Variants in ALK observed in about 807,000 individuals in gnomAD.
The protein encoded by ALK is ALK tyrosine kinase receptor.
ALK carries 74 observed loss-of-function variants against 163.1 expected under a neutral mutation model. That is an observed-to-expected ratio of 0.45 (90% CI 0.38 to 0.55). ALK has a LOEUF of 0.55. Ranked by LOEUF, ALK falls within the 20% of genes least tolerant of loss-of-function variation. The pLI is 0.00. For synonymous variants in ALK, 960 were observed against 843.2 expected, an observed-to-expected ratio of 1.14 and a Z score of -2.40; for missense variants, 2,063 against 2,105.3, an observed-to-expected ratio of 0.98 and a Z score of 0.39.
At chr2:29,837,436 G>T (rs987089186) in intron 1 of ALK, among the ~76,000 whole-genome samples, 1 of 152,180 alleles carries the variant, frequency 6.6e-6, no homozygotes, top group Non-Finnish European at 1.5e-5. Flanking sequence ...TGCTGCACAT[G>T]TGCAGTATAA....
intron 3 of ALK, among the ~76,000 whole-genome samples, chr2:29,566,665 T>C (rs753897583): frequency 2.6e-5 from 4 of 152,186 alleles, no homozygotes; most frequent in Non-Finnish European, 2.9e-5. Flanking sequence ...GAAATGATTA[T>C]GGAAGTGAAT....
chr2:29,418,857 T>C (rs527374752), intron 4 of ALK, among the ~76,000 whole-genome samples: 62 of 147,280 alleles, frequency 4.2e-4, no homozygotes, highest in Non-Finnish European at 6.8e-4. Flanking sequence ...CCAGAATTAA[T>C]ACATTAATTT....
intron 4 of ALK, among the ~76,000 whole-genome samples, chr2:29,507,429 G>A (rs1157234351): frequency 6.6e-6 from 1 of 152,194 alleles, no homozygotes; most frequent in Admixed American, 6.5e-5. Flanking sequence ...TTGGGATGAT[G>A]AAAAGGTTCT....
chr2:29,470,685 ATT>A (rs11325298), intron 4 of ALK, among the ~76,000 whole-genome samples: 75,158 of 148,758 alleles, frequency 0.51, 19,753 homozygotes, highest in South Asian at 0.61. Flanking sequence ...AAACAGCTGA[ATT>A]TTTTTTTTTT....
At chr2:29,504,998 T>C (rs970903538) in intron 4 of ALK, among the ~76,000 whole-genome samples, 2 of 151,712 alleles carry the variant, frequency 1.3e-5, no homozygotes, top group Non-Finnish European at 2.9e-5. Context: ...GGGCTGGAGG[T>C]GGGGCAGAGA....
At chr2:29,757,379 C>T (rs1041283024) in intron 1 of ALK, among the ~76,000 whole-genome samples, 2 of 152,310 alleles carry the variant, frequency 1.3e-5, no homozygotes, top group East Asian at 1.9e-4. Flanking sequence ...GTTAACCACT[C>T]ACCCAGTTAT....
At chr2:29,371,216 A>T (rs973751102) in intron 5 of ALK, among the ~76,000 whole-genome samples, 1 of 152,252 alleles carries the variant, frequency 6.6e-6, no homozygotes, top group Non-Finnish European at 1.5e-5. Context: ...AGGGCAAAAT[A>T]AAGTTCCACA....
chr2:29,846,280 G>A (rs530005921), intron 1 of ALK, among the ~76,000 whole-genome samples: 24 of 152,242 alleles, frequency 1.6e-4, no homozygotes, highest in East Asian at 5.8e-4. Flanking sequence ...GCCAGTTCAC[G>A]CTGACTGGCT....
intron 5 of ALK, among the ~76,000 whole-genome samples, chr2:29,360,974 TAGATGCAGAGATGCAG>T (rs202168209): frequency 6.6e-6 from 1 of 152,110 alleles, no homozygotes; most frequent in South Asian, 2.1e-4. Context: ...AGGGCTCAGC[TAGATGCAGAGATGCAG>T]AGATGCAGAG....
At chr2:29,716,355 G>A (rs1042922723) in intron 2 of ALK, among the ~76,000 whole-genome samples, 4 of 152,336 alleles carry the variant, frequency 2.6e-5, no homozygotes, top group African/African-American at 4.8e-5. Flanking sequence ...TCTTCCATGC[G>A]ATAGAATAAA....
chr2:29,658,182 GT>G (rs956919499), intron 3 of ALK, among the ~76,000 whole-genome samples: 1 of 152,148 alleles, frequency 6.6e-6, no homozygotes, highest in African/African-American at 2.4e-5. Flanking sequence ...CTTAAAATGA[GT>G]TTTTTTCTGC....
intron 9 of ALK, among the ~76,000 whole-genome samples, chr2:29,276,209 A>G (rs1394932320): frequency 6.6e-6 from 1 of 152,160 alleles, no homozygotes; most frequent in Non-Finnish European, 1.5e-5. Flanking sequence ...TGGTGGTTAA[A>G]TATTAAGCGA....
intron 1 of ALK, among the ~76,000 whole-genome samples, chr2:29,833,728 C>T (rs971914017): frequency 6.6e-6 from 1 of 152,182 alleles, no homozygotes; most frequent in Admixed American, 6.5e-5. Flanking sequence ...CAAGGTGACA[C>T]CGTTCATAGG....
At chr2:29,445,900 C>T (rs1332661761) in intron 4 of ALK, among the ~76,000 whole-genome samples, 18 of 150,838 alleles carry the variant, frequency 1.2e-4, no homozygotes, top group Non-Finnish European at 2.4e-4. Context: ...GAGATCGAGA[C>T]CATCCCGGCT....
intron 4 of ALK, among the ~76,000 whole-genome samples, chr2:29,440,318 A>ATTTCTTTTTTTTTT (rs780283356): frequency 1.2e-5 from 1 of 83,166 alleles, no homozygotes; most frequent in Non-Finnish European, 3.0e-5. Flanking sequence ...TGATGAATCA[A>ATTTCTTTTTTTTTT]TTTTTTTTTT....
chr2:29,502,893 C>T (rs1481991208), intron 4 of ALK, among the ~76,000 whole-genome samples: 1 of 152,134 alleles, frequency 6.6e-6, no homozygotes, highest in Non-Finnish European at 1.5e-5. Context: ...CAGAGACCTC[C>T]AGTAAAACTA....
At chr2:29,215,539 CAGAG>C (rs919768477) in intron 23 of ALK, among the ~76,000 whole-genome samples, 7 of 152,154 alleles carry the variant, frequency 4.6e-5, no homozygotes, top group African/African-American at 1.2e-4. Context: ...GCTGAGGACT[CAGAG>C]AGGCTACCTG....
intron 6 of ALK, among the ~76,000 whole-genome samples, chr2:29,324,423 G>A (rs983115083): frequency 6.6e-6 from 1 of 152,202 alleles, no homozygotes; most frequent in Non-Finnish European, 1.5e-5. Context: ...AGTTATCTCT[G>A]AATGTTTGAG....
At chr2:29,228,785 G>C (rs999380420) in intron 16 of ALK, 99 bp downstream of exon 16, 5 of 826,508 alleles carry the variant, frequency 6.0e-6, no homozygotes, top group Non-Finnish European at 1.1e-5. Context: ...GTCCACACTT[G>C]GGCAGGCCAG....
Sources: allele counts gnomAD v4.1 joint callset (sites outside exome capture counted in the v4.1 genomes callset), GRCh38; gene constraint gnomAD v4.1.1; transcripts MANE v1.5; gene names NCBI Gene and HGNC (gene_info 2026-07-23, HGNC 2026-07-21).